TPRG1: variants seen among roughly 807,000 people sequenced by gnomAD.
TPRG1 encodes tumor protein p63 regulated 1, also known as tumor protein p63-regulated gene 1 protein.
Under a neutral mutation model 29.3 loss-of-function variants are expected in TPRG1, and 29 were observed. The ratio of observed to expected loss-of-function variants is 0.99; its 90% confidence interval spans 0.74 to 1.35. The LOEUF (loss-of-function observed/expected upper bound fraction) is 1.35. Ranked by LOEUF, TPRG1 falls within the 40% of genes most tolerant of loss-of-function variation. TPRG1 has a pLI of 0.00. For missense variants in TPRG1, 327 were observed against 335.0 expected (o/e 0.98, Z 0.19); for synonymous variants, 130 against 116.8 (o/e 1.11, Z -0.73).
intron 4 of TPRG1, among the ~76,000 whole-genome samples, chr3:189,247,131 C>T (rs1377863168): frequency 6.6e-6 from 1 of 151,992 alleles, no homozygotes; most frequent in Admixed American, 6.6e-5. Context: ...TCCCACAAGT[C>T]TCTGAAGCTC....
chr3:189,174,517 G>T (rs1374262174), intron 1 of TPRG1, among the ~76,000 whole-genome samples: 3 of 152,132 alleles, frequency 2.0e-5, no homozygotes, highest in Non-Finnish European at 1.5e-5. Flanking sequence ...AATCTCTTAG[G>T]TATTAGGATT....
intron 4 of TPRG1, among the ~76,000 whole-genome samples, chr3:189,081,321 G>C (rs1171815976): frequency 6.6e-6 from 1 of 152,132 alleles, no homozygotes; most frequent in African/African-American, 2.4e-5. Context: ...TGTCTTAGAA[G>C]AGCCAAGAGG....
At chr3:189,196,970 C>G (rs1177627582) in intron 1 of TPRG1, among the ~76,000 whole-genome samples, 1 of 152,134 alleles carries the variant, frequency 6.6e-6, no homozygotes, top group East Asian at 1.9e-4. Flanking sequence ...GGGTGACTTC[C>G]TTAAACAAAA....
chr3:189,268,427 G>T (rs1937745854), intron 4 of TPRG1, among the ~76,000 whole-genome samples: 1 of 152,078 alleles, frequency 6.6e-6, no homozygotes, highest in Non-Finnish European at 1.5e-5. Context: ...GATTGGACAG[G>T]GCCACTCCCC....
At chr3:189,185,004 G>T (rs1730728214) in intron 1 of TPRG1, among the ~76,000 whole-genome samples, 1 of 152,176 alleles carries the variant, frequency 6.6e-6, no homozygotes, top group Non-Finnish European at 1.5e-5. Context: ...GGGTTTGGTG[G>T]TTAGGCAAAG....
At chr3:189,115,585 T>A (rs1186670780) in intron 1 of TPRG1, among the ~76,000 whole-genome samples, 1 of 152,218 alleles carries the variant, frequency 6.6e-6, no homozygotes, top group East Asian at 1.9e-4. Context: ...GTCTAATGGC[T>A]CTCTTACACA....
At chr3:189,038,765 C>G (rs1370310434) in intron 4 of TPRG1, among the ~76,000 whole-genome samples, 1 of 128,622 alleles carries the variant, frequency 7.8e-6, no homozygotes, top group African/African-American at 3.0e-5. Context: ...GCAATTCCTG[C>G]AAATCAACAA....
rs376289871 is a variant in TPRG1 at position 189,054,378 on chromosome 3, G to A, written c.-463+30432G>A. 2.8e-3 allele frequency among the ~76,000 whole-genome samples: 417 copies of A among 151,342 alleles called. 2 individuals carry two copies. Among genetic ancestry groups the A allele is most frequent in the South Asian group, 8.8e-3 (42 of 4,772 alleles). On this transcript the variant is annotated intron_variant, in intron 4 of 10. Transcript: ENST00000433971. The stretch of plus-strand genomic sequence containing the variant: ...AAAGATCACTGATTATAGGCTAGGC[G>A]CAGTGGCTTATGTTTGTAATCCCAG...
At chr3:189,074,960 C>G (rs868486137) in intron 4 of TPRG1, among the ~76,000 whole-genome samples, 1 of 151,308 alleles carries the variant, frequency 6.6e-6, no homozygotes, top group African/African-American at 2.4e-5. Context: ...TACAGGCGCC[C>G]GCCACCACGC....
chr3:189,053,811 G>A (rs1002646125), intron 4 of TPRG1, among the ~76,000 whole-genome samples: 12 of 152,196 alleles, frequency 7.9e-5, no homozygotes, highest in African/African-American at 2.9e-4. Flanking sequence ...CTGGACCCTT[G>A]TGTTTTGGTA....
intron 5 of TPRG1, among the ~76,000 whole-genome samples, chr3:189,317,685 G>A (rs1388337719): frequency 6.6e-6 from 1 of 152,166 alleles, no homozygotes; most frequent in Non-Finnish European, 1.5e-5. Flanking sequence ...GTTCTCAAGA[G>A]AGGGTGATTT....
rs1330342962 is a variant in TPRG1, at chr3:189,321,030, A to G, written c.*210A>G. 2.4e-6 allele frequency: 1 copy of G among 418,548 alleles called. No individual in the cohort carries two copies. Among genetic ancestry groups the G allele is most frequent in the Non-Finnish European group, 4.1e-6 (1 of 241,528 alleles). 25.9% of individuals were successfully genotyped at this position (418,548 alleles called of 1,614,324 possible). On this transcript the variant is annotated 3_prime_UTR_variant, in exon 6 of 6. Transcript: ENST00000345063. ...CATACAAGAATAATCAAATTTTCTT[A>G]AAACTAGAAAATAAATGCTGCTGAG...
At chr3:189,179,174 A>G (rs1425458954) in intron 1 of TPRG1, among the ~76,000 whole-genome samples, 1 of 152,206 alleles carries the variant, frequency 6.6e-6, no homozygotes, top group Non-Finnish European at 1.5e-5. Flanking sequence ...CTTGAAGGTC[A>G]TGCACAGTTA....
chr3:189,231,942 T>TG, intron 3 of TPRG1, among the ~76,000 whole-genome samples: 2 of 128,210 alleles, frequency 1.6e-5, no homozygotes, highest in African/African-American at 6.8e-5. Flanking sequence ...TCAAACCTGG[T>TG]TTGTGTGTGT....
chr3:189,097,030 C>T (rs1309183229), upstream of TPRG1, among the ~76,000 whole-genome samples: 1 of 152,154 alleles, frequency 6.6e-6, no homozygotes, highest in East Asian at 1.9e-4. Flanking sequence ...ACTAGTGCAT[C>T]TTGCATTTTA....
intron 4 of TPRG1, among the ~76,000 whole-genome samples, chr3:189,301,767 G>A (rs543345115): frequency 5.6e-4 from 85 of 152,248 alleles, no homozygotes; most frequent in African/African-American, 1.9e-3. Context: ...AACACACTAT[G>A]CCTCTTCGTT....
chr3:189,009,836 G>A (rs1341127713), intron 3 of TPRG1, among the ~76,000 whole-genome samples: 2 of 151,720 alleles, frequency 1.3e-5, no homozygotes, highest in African/African-American at 4.8e-5. Flanking sequence ...TGCAGGATGT[G>A]CAGGTGTGTT....
chr3:189,017,849 G>A (rs1355558029), intron 3 of TPRG1, among the ~76,000 whole-genome samples: 5 of 152,052 alleles, frequency 3.3e-5, no homozygotes, highest in Admixed American at 2.0e-4. Flanking sequence ...CCCACCAACA[G>A]TGTAAAAGTG....
At chr3:189,068,039 G>A (rs987119341) in intron 4 of TPRG1, among the ~76,000 whole-genome samples, 11 of 152,038 alleles carry the variant, frequency 7.2e-5, no homozygotes, top group South Asian at 2.1e-4. Flanking sequence ...AAATGAAGAC[G>A]TACAAATGGC....
Sources: allele counts gnomAD v4.1 joint callset (sites outside exome capture counted in the v4.1 genomes callset), GRCh38; gene constraint gnomAD v4.1.1; transcripts MANE v1.5; gene names NCBI Gene and HGNC (gene_info 2026-07-23, HGNC 2026-07-21).